Variants in TMCO4 observed in about 807,000 individuals in gnomAD.
TMCO4 encodes transmembrane and coiled-coil domains 4.
TMCO4 carries 58 observed loss-of-function variants against 64.7 expected under a neutral mutation model. That is an observed-to-expected ratio of 0.90 (90% CI 0.73 to 1.12). The LOEUF (loss-of-function observed/expected upper bound fraction) is 1.12. TMCO4 is among the 50% of genes most tolerant of loss of function. The pLI is 0.00. For synonymous variants in TMCO4, 325 were observed against 346.1 expected, an observed-to-expected ratio of 0.94 and a Z score of 0.68; for missense variants, 780 against 825.9, an observed-to-expected ratio of 0.94 and a Z score of 0.68.
chr1:19,763,277 T>C (rs1171778731), intron 6 of TMCO4, among the ~76,000 whole-genome samples: 1 of 152,168 alleles, frequency 6.6e-6, no homozygotes, highest in Non-Finnish European at 1.5e-5. Flanking sequence ...GGTTTCACCA[T>C]GTTGCCCAGG....
intron 7 of TMCO4, among the ~76,000 whole-genome samples, chr1:19,749,683 T>C (rs927173130): frequency 8.5e-5 from 13 of 152,264 alleles, no homozygotes; most frequent in Non-Finnish European, 1.9e-4. Context: ...GTAGAATCTT[T>C]AAAGCCAGTG....
At chr1:19,755,148 AAG>A (rs2042189277) in intron 7 of TMCO4, among the ~76,000 whole-genome samples, 1 of 152,074 alleles carries the variant, frequency 6.6e-6, no homozygotes, top group Non-Finnish European at 1.5e-5. Flanking sequence ...TTTTTGAGAC[AAG>A]AGTCTCACTC....
chr1:19,737,229 T>C, intron 13 of TMCO4, 143 bp downstream of exon 13: 2 of 828,480 alleles, frequency 2.4e-6, no homozygotes, highest in Admixed American at 2.6e-5. Context: ...TTTTCTTGAT[T>C]TTTAAACTAT....
chr1:19,764,367 T>C (rs2100988837), intron 6 of TMCO4, among the ~76,000 whole-genome samples: 1 of 152,340 alleles, frequency 6.6e-6, no homozygotes, highest in East Asian at 1.9e-4. Context: ...AGGGTCATTG[T>C]GGGGTTTCAA....
At chr1:19,737,619 CAG>C (rs989319325) in intron 12 of TMCO4, among the ~76,000 whole-genome samples, 163 bp from the exon 13 acceptor site, 1 of 152,266 alleles carries the variant, frequency 6.6e-6, no homozygotes, top group African/African-American at 2.4e-5. Flanking sequence ...TCTTAATCAG[CAG>C]AGTCAGGACC....
chr1:19,700,698 A>T, intron 14 of TMCO4, 70 bp downstream of exon 14: 1 of 1,352,362 alleles, frequency 7.4e-7, no homozygotes, highest in Non-Finnish European at 1.1e-6. Context: ...TGTCCCCAAC[A>T]CAGAGCCTGG....
intron 3 of TMCO4, among the ~76,000 whole-genome samples, chr1:19,781,506 T>C (rs1394181548): frequency 2.0e-5 from 3 of 150,934 alleles, no homozygotes; most frequent in Admixed American, 1.3e-4. Context: ...TGAAAAGATG[T>C]TCAACATCGT....
At chr1:19,763,385 T>A (rs557253012) in intron 6 of TMCO4, among the ~76,000 whole-genome samples, 1 of 152,216 alleles carries the variant, frequency 6.6e-6, no homozygotes, top group Non-Finnish European at 1.5e-5. Flanking sequence ...GCCAAGAATA[T>A]CTTTTTGATC....
chr1:19,721,764 G>GA (rs2095384910), intron 13 of TMCO4, among the ~76,000 whole-genome samples: 2 of 152,032 alleles, frequency 1.3e-5, no homozygotes, highest in African/African-American at 4.8e-5. Flanking sequence ...ACTCCAGCCT[G>GA]GGTGACAGAG....
rs150470080 is a variant in TMCO4 at position 19,694,966 on chromosome 1, G to A, written c.1383-415C>T. 5.3e-3 allele frequency among the ~76,000 whole-genome samples: 808 copies of A among 152,340 alleles called. 8 individuals are homozygous for A. Among genetic ancestry groups the A allele is most frequent in the African/African-American group, 0.018 (764 of 41,588 alleles). On this transcript the variant is annotated intron_variant, in intron 14 of 15. Coordinates refer to ENST00000294543, the MANE Select transcript of TMCO4 (RefSeq NM_181719.7). ...AGCTCGGGAAAGGTGGCTTGTCCAG[G>A]GCTCCCTGGAAAAAGAAAAGCAGAG...
intron 12 of TMCO4, 127 bp from the exon 13 acceptor site, chr1:19,737,583 G>A: frequency 2.6e-6 from 2 of 755,268 alleles, no homozygotes; most frequent in Non-Finnish European, 4.3e-6. Context: ...TCATGCATGT[G>A]CTGTTCCGGT....
At chr1:19,744,686 C>T (rs766721347) in intron 10 of TMCO4, among the ~76,000 whole-genome samples, 17 of 152,274 alleles carry the variant, frequency 1.1e-4, no homozygotes, top group Non-Finnish European at 1.8e-4. Flanking sequence ...GGCCTTTGCA[C>T]CTGCTGTCCC....
intron 14 of TMCO4, among the ~76,000 whole-genome samples, chr1:19,696,994 G>A (rs1057122604): frequency 7.2e-5 from 11 of 152,180 alleles, no homozygotes; most frequent in Non-Finnish European, 1.5e-4. Context: ...CAGGTTGCTT[G>A]ACCTTTCTGA....
Position 19,722,281 on chromosome 1 carries a change from G to A in TMCO4, c.1264+15091C>T, listed in dbSNP as rs143479591. On this transcript the variant is annotated intron_variant, in intron 13 of 15. Transcript: ENST00000294543. ...AGGCCCAGCATATCAGCCTCGATAA[G>A]ATGTTCTAGCAGTGCCTTCTGGATC... is the stretch of plus-strand genomic sequence containing the variant. 5.4e-3 allele frequency among the ~76,000 whole-genome samples: 828 copies of A among 152,298 alleles called. 5 individuals carry two copies. The highest frequency in any genetic ancestry group is 0.019 in the African/African-American group (779 of 41,566).
At chr1:19,699,564 T>A (rs2095258466) in intron 14 of TMCO4, among the ~76,000 whole-genome samples, 1 of 150,874 alleles carries the variant, frequency 6.6e-6, no homozygotes, top group South Asian at 2.1e-4. Flanking sequence ...CTCCAGCCAA[T>A]GCTGATGTGC....
At chr1:19,718,189 A>G (rs2095365404) in intron 13 of TMCO4, among the ~76,000 whole-genome samples, 1 of 151,734 alleles carries the variant, frequency 6.6e-6, no homozygotes. Flanking sequence ...AAAAAAATTA[A>G]CTGGGCATGG....
rs34281331 is a variant in TMCO4, at chr1:19,746,526, C to T, written c.687G>A (p.Ala229=). The T allele has an allele frequency of 0.026, 41,852 of 1,611,516 alleles. 745 individuals carry two copies. The highest frequency in any genetic ancestry group is 0.077 in the East Asian group (3,439 of 44,808). ...AATIIGSAGA[A]ALGSAAGIAI... ...CTATGCCGGCTGCTGAGCCCAGAGC[C>T]GCTGCCCCGGCGCTGCCAATAATCG... Residue 229 remains alanine, a synonymous_variant, in exon 9 of 16, where the codon GCG becomes GCA. Coordinates refer to ENST00000294543, the MANE Select transcript of TMCO4 (RefSeq NM_181719.7).
At chr1:19,765,661 C>T (rs927006952) in intron 6 of TMCO4, among the ~76,000 whole-genome samples, 4 of 151,852 alleles carry the variant, frequency 2.6e-5, no homozygotes, top group Middle Eastern at 3.2e-3. Context: ...CTTATTTTTT[C>T]GGTTGTGTGG....
intron 7 of TMCO4, among the ~76,000 whole-genome samples, chr1:19,751,885 A>G (rs755934588): frequency 4.1e-4 from 62 of 151,874 alleles, no homozygotes; most frequent in Non-Finnish European, 7.2e-4. Flanking sequence ...AGTCTCTACT[A>G]AAAATACAAA....
Sources: allele counts gnomAD v4.1 joint callset (sites outside exome capture counted in the v4.1 genomes callset), GRCh38; gene constraint gnomAD v4.1.1; transcripts MANE v1.5; gene names NCBI Gene and HGNC (gene_info 2026-07-23, HGNC 2026-07-21).